The following RRP1 variants were observed in gnomAD, a reference collection of about 807,000 sequenced individuals.
The protein encoded by RRP1 is ribosomal RNA processing 1, also known as ribosomal RNA processing protein 1 homolog A.
In RRP1, 37 loss-of-function variants were observed where a neutral mutation model predicts 54.6. That is an observed-to-expected ratio of 0.68 (90% CI 0.52 to 0.89). RRP1 has a LOEUF of 0.89. RRP1 is among the 40% of genes least tolerant of loss of function. The pLI is 0.00. For synonymous variants in RRP1, 262 were observed against 244.3 expected (o/e 1.07, Z -0.67); for missense variants, 639 against 612.5 (o/e 1.04, Z -0.46).
intron 1 of RRP1, chr21:43,791,019 A>T (rs2084951239): frequency 2.1e-6 from 1 of 482,264 alleles, no homozygotes; most frequent in Non-Finnish European, 4.1e-6. Flanking sequence ...CCAACAGATT[A>T]ACCTTGTGGC....
intron 5 of RRP1, among the ~76,000 whole-genome samples, chr21:43,795,571 A>G (rs1367886438): frequency 6.6e-6 from 1 of 152,058 alleles, no homozygotes; most frequent in Non-Finnish European, 1.5e-5. Context: ...GTTTTTTTGA[A>G]ATAGGTGTCA....
At chr21:43,800,647 TC>T (rs1172895693) in intron 10 of RRP1, 33 bp downstream of exon 10, 4 of 1,597,224 alleles carry the variant, frequency 2.5e-6, no homozygotes, top group Middle Eastern at 1.7e-4. Context: ...TCCTCCCTGC[TC>T]CCCTTGGAGT....
At chr21:43,801,356 G>A (rs2085088454) in intron 11 of RRP1, among the ~76,000 whole-genome samples, 1 of 152,226 alleles carries the variant, frequency 6.6e-6, no homozygotes, top group Non-Finnish European at 1.5e-5. Flanking sequence ...ATGTCTGCGT[G>A]TCCCTGCCGG....
At chr21:43,793,184 C>A in intron 3 of RRP1, 135 bp from the exon 4 acceptor site, 1 of 750,308 alleles carries the variant, frequency 1.3e-6, no homozygotes, top group Non-Finnish European at 2.3e-6. Flanking sequence ...AGATCCAGTT[C>A]TGGGGGTAGG....
intron 11 of RRP1, 114 bp downstream of exon 11, chr21:43,800,995 G>A (rs905949947): frequency 1.1e-5 from 13 of 1,151,786 alleles, no homozygotes; most frequent in East Asian, 2.3e-5. Context: ...TTGCAGAGAG[G>A]CCTGGTGGTG....
rs61514222 is a variant in RRP1, at chr21:43,799,441, G to A, written c.812-129G>A. 3,284 of 825,152 alleles carry A rather than the reference G, an allele frequency of 4.0e-3. 1 individual carries two copies. Among genetic ancestry groups the A allele is most frequent in the Non-Finnish European group, 5.0e-3 (2,616 of 527,746 alleles). The allele number at this position is 825,152 out of a possible 1,614,324, so 51.1% of individuals were successfully genotyped here. A position where few individuals can be genotyped will look rare whatever the true frequency, so the allele number is the denominator to read the frequency against. On this transcript the variant is annotated intron_variant, in intron 8 of 12. Coordinates refer to ENST00000497547, the MANE Select transcript of RRP1 (RefSeq NM_003683.6). Reference sequence around the variant, plus strand: ...GACCAGGGTGCAGGGTGGGCTGTCCGTTCCCGGGTGTTTCCCGCCTGTGCC... The same window carrying A: ...GACCAGGGTGCAGGGTGGGCTGTCCATTCCCGGGTGTTTCCCGCCTGTGCC...
intron 2 of RRP1, 82 bp from the exon 3 acceptor site, chr21:43,792,578 AGTGAGTGAGTGG>A: frequency 1.7e-6 from 2 of 1,202,150 alleles, no homozygotes; most frequent in South Asian, 1.3e-5. Flanking sequence ...GTGATGAGTG[AGTGAGTGAGTGG>A]GTGAGTGGGT....
Position 43,797,654 on chromosome 21 carries a change from G to T in RRP1, c.576G>T (p.Lys192Asn). 6.2e-7 allele frequency: 1 copy of T among 1,614,178 alleles called. No homozygotes were observed. The change falls in exon 7 of 13, where the codon AAG becomes AAT. Residue 192 changes from lysine (K) to asparagine (N), a missense_variant. Transcript: ENST00000497547. ...AGCTTACGGCAGACCAGAACCTGAA[G>T]TTCATCGACCCCTTCTGCAGAATTG... is the stretch of plus-strand genomic sequence containing the variant. ...AEELTADQNL[K>N]FIDPFCRIAA... is the part of the protein sequence containing the mutation.
At position 43,804,798 on chromosome 21, in the gene RRP1, G is replaced by C. The variant is rs533674410; in HGVS notation, c.*1024G>C. The C allele has an allele frequency of 1.6e-4, 25 of 152,482 alleles. No individual in the cohort carries two copies. Among genetic ancestry groups the C allele is most frequent in the African/African-American group, 5.8e-4 (24 of 41,560 alleles). The allele number at this position is 152,482 out of a possible 1,614,324, so 9.4% of individuals were successfully genotyped here. A position where few individuals can be genotyped will look rare whatever the true frequency, so the allele number is the denominator to read the frequency against. On this transcript the variant is annotated 3_prime_UTR_variant, in exon 13 of 13. Coordinates refer to ENST00000497547, the MANE Select transcript of RRP1 (RefSeq NM_003683.6). This position sits in a 1 kb window ranked among gnomAD's most constrained non-coding sequence, Gnocchi z 4.3. Reference sequence around the variant, plus strand: ...CTTGTGCAGACCCTGGACTGCATCCGGTTCCCCAAAGCCCTGCTGCATTCG... The same window carrying C: ...CTTGTGCAGACCCTGGACTGCATCCCGTTCCCCAAAGCCCTGCTGCATTCG...
In RRP1 at chr21:43,789,676, G is replaced by C. The variant is rs1268176675; in HGVS notation, c.47G>C (p.Arg16Pro). ...CCGCCTGAGATCCAGCTGGCTCAGCGCCTGGCGGGGAATGAGCAGGTGACC... is the reference window on the plus strand; with the variant it reads ...CCGCCTGAGATCCAGCTGGCTCAGCCCCTGGCGGGGAATGAGCAGGTGACC... Reference protein sequence around the residue: ...QLPPEIQLAQRLAGNEQVTRD... With the variant: ...QLPPEIQLAQPLAGNEQVTRD... The change falls in exon 1 of 13, where the codon CGC becomes CCC. Residue 16 changes from arginine (R) to proline (P), a missense_variant. Coordinates refer to ENST00000497547, the MANE Select transcript of RRP1 (RefSeq NM_003683.6). 6.4e-7 allele frequency: 1 copy of C among 1,573,492 alleles called. No individual in the cohort carries two copies. Among genetic ancestry groups the C allele is most frequent in the East Asian group, 2.4e-5 (1 of 41,838 alleles).
At chr21:43,802,170 C>G in intron 11 of RRP1, 104 bp from the exon 12 acceptor site, 2 of 774,772 alleles carry the variant, frequency 2.6e-6, no homozygotes, top group Non-Finnish European at 4.4e-6. Context: ...TTCTCACACA[C>G]ATTGTCAGGA....
chr21:43,797,570 G>A lies in RRP1; in HGVS notation c.552+19G>A, dbSNP rs936985484. Reference sequence around the variant, plus strand: ...CGAGGAGGTGAGGCTGGGCTCCGACGGGGCGGTGGAGCTGGGCGTTTGTGG... The same window carrying A: ...CGAGGAGGTGAGGCTGGGCTCCGACAGGGCGGTGGAGCTGGGCGTTTGTGG... On this transcript the variant is annotated intron_variant, in intron 6 of 12. Coordinates refer to ENST00000497547, the MANE Select transcript of RRP1 (RefSeq NM_003683.6). 5 of 1,613,980 alleles carry A rather than the reference G, an allele frequency of 3.1e-6. No homozygotes were observed. Among genetic ancestry groups the A allele is most frequent in the East Asian group, 2.2e-5 (1 of 44,880 alleles).
Position 43,792,713 on chromosome 21 carries a change from T to G in RRP1, c.258T>G (p.Phe86Leu). 1 of 1,614,170 alleles carries G rather than the reference T, an allele frequency of 6.2e-7. No individual in the cohort carries two copies. Among genetic ancestry groups the G allele is most frequent in the South Asian group, 1.1e-5 (1 of 91,084 alleles). ...CTATTTCCCAGCTCGTTCATGCTTT[T>G]CAGACCACGGAGGCGCGTGAGTATG... ...GRTISQLVHA[F>L]QTTEAQHLFL... Residue 86 changes from phenylalanine to leucine, a missense_variant, in exon 3 of 13, where the codon TTT becomes TTG. Physicochemically the swap from Phe to Leu is conservative, Grantham distance 22. Transcript: ENST00000497547.
chr21:43,791,309 T>C (rs1333345978), intron 1 of RRP1, 41 bp from the exon 2 acceptor site: 3 of 1,598,646 alleles, frequency 1.9e-6, no homozygotes, highest in Non-Finnish European at 2.6e-6. Flanking sequence ...CACTCGAAGG[T>C]GTGGGATTCA....
chr21:43,803,402 C>G (rs538440992), intron 12 of RRP1, 110 bp from the exon 13 acceptor site: 1 of 1,395,266 alleles, frequency 7.2e-7, no homozygotes, highest in Non-Finnish European at 9.5e-7. Context: ...CTGTTGTGGC[C>G]GTGTTGTCCT....
At chr21:43,800,966 C>T (rs1178390567) in intron 11 of RRP1, 85 bp downstream of exon 11, 3 of 1,422,886 alleles carry the variant, frequency 2.1e-6, no homozygotes, top group East Asian at 2.3e-5. Context: ...CTAGGGGTCT[C>T]ATAGCACGTG....
rs73906620 is a variant in RRP1 at position 43,800,631 on chromosome 21, G to A, written c.989+17G>A. 1,345 of 1,609,208 alleles carry A rather than the reference G, an allele frequency of 8.4e-4. 16 individuals carry two copies. The African/African-American group carries it at 0.016, about 19-fold the overall frequency. The stretch of plus-strand genomic sequence containing the variant: ...GATCCGGAAGTGAGTGTGTGAGGGC[G>A]CTGCGTCCTCCCTGCTCCCCTTGGA... On this transcript the variant is annotated intron_variant, in intron 10 of 12. Coordinates refer to ENST00000497547, the MANE Select transcript of RRP1 (RefSeq NM_003683.6).
intron 3 of RRP1, 112 bp from the exon 4 acceptor site, chr21:43,793,207 G>C: frequency 2.2e-6 from 2 of 909,510 alleles, no homozygotes; most frequent in East Asian, 4.9e-5. Flanking sequence ...CTGGGCATCA[G>C]CATTTTTTAT....
rs1240852111 is a variant in RRP1, at chr21:43,798,144, G to T, written c.811+44G>T. The T allele has an allele frequency of 3.3e-6, 5 of 1,524,088 alleles. No individual in the cohort carries two copies. In the South Asian group the frequency reaches 4.9e-5, roughly 15 times the overall value. The allele number at this position is 1,524,088 out of a possible 1,614,324, so 94.4% of individuals were successfully genotyped here. ...CTGGCTTCTCCTCGGGGCCTGTCCT[G>T]GGCTGAGCCAGTGCGATCTCCTGCT... On this transcript the variant is annotated intron_variant, in intron 8 of 12. Coordinates refer to ENST00000497547, the MANE Select transcript of RRP1 (RefSeq NM_003683.6).
Sources: allele counts gnomAD v4.1 joint callset (sites outside exome capture counted in the v4.1 genomes callset), GRCh38; gene constraint gnomAD v4.1.1; non-coding constraint Gnocchi (gnomAD v3.1); transcripts MANE v1.5; gene names NCBI Gene and HGNC (gene_info 2026-07-23, HGNC 2026-07-21).